Variants in EPHA7 observed in about 807,000 individuals in gnomAD.
EPHA7 encodes EPH receptor A7, also known as ephrin type-A receptor 7.
EPHA7 carries 25 observed loss-of-function variants against 112.6 expected under a neutral mutation model. The ratio of observed to expected loss-of-function variants is 0.22; its 90% CI spans 0.16 to 0.31. EPHA7 has a LOEUF of 0.31. Ranked by LOEUF, EPHA7 falls within the 10% of genes least tolerant of loss-of-function variation. The pLI is 1.00. For synonymous variants in EPHA7, 437 were observed against 406.5 expected, an observed-to-expected ratio of 1.07 and a Z score of -0.90; for missense variants, 962 against 1,212.6, an observed-to-expected ratio of 0.79 and a Z score of 3.07.
chr6:93,247,616 G>C (rs1223940649), intron 14 of EPHA7, among the ~76,000 whole-genome samples: 1 of 152,108 alleles, frequency 6.6e-6, no homozygotes, highest in African/African-American at 2.4e-5. Context: ...AATCAGCGTG[G>C]GGGAAGGGTT....
chr6:93,405,334 T>A (rs1778643276), intron 3 of EPHA7, among the ~76,000 whole-genome samples: 1 of 151,890 alleles, frequency 6.6e-6, no homozygotes, highest in African/African-American at 2.4e-5. Flanking sequence ...TATCAATAAT[T>A]AAAATTGCAT....
intron 5 of EPHA7, among the ~76,000 whole-genome samples, chr6:93,295,525 A>G (rs977512881): frequency 6.6e-6 from 1 of 151,502 alleles, no homozygotes; most frequent in African/African-American, 2.4e-5. Context: ...ACTTAAATAC[A>G]TATGACAAAT....
At chr6:93,269,692 T>C (rs1192240080) in intron 6 of EPHA7, 32 bp from the exon 7 acceptor site, 1 of 1,460,864 alleles carries the variant, frequency 6.8e-7, no homozygotes, top group African/African-American at 1.5e-5. Flanking sequence ...AATATTTAAT[T>C]GTGATTGCAA....
chr6:93,407,526 C>T (rs1210077399), intron 3 of EPHA7, among the ~76,000 whole-genome samples: 1 of 151,990 alleles, frequency 6.6e-6, no homozygotes, highest in African/African-American at 2.4e-5. Context: ...GTCAACATCA[C>T]CAAGGCTAAA....
chr6:93,383,472 G>A (rs1017033693), intron 3 of EPHA7, among the ~76,000 whole-genome samples: 1 of 152,024 alleles, frequency 6.6e-6, no homozygotes, highest in Non-Finnish European at 1.5e-5. Context: ...CAGCTGGTAA[G>A]TGGTAGAGTA....
intron 3 of EPHA7, among the ~76,000 whole-genome samples, chr6:93,360,664 T>G (rs1450921940): frequency 6.6e-6 from 1 of 152,092 alleles, no homozygotes; most frequent in Non-Finnish European, 1.5e-5. Context: ...TTGCTCAACT[T>G]ACATGATTTC....
chr6:93,405,811 GTGTATATATATATATATA>G (rs1252016643), intron 3 of EPHA7, among the ~76,000 whole-genome samples: 8 of 58,958 alleles, frequency 1.4e-4, no homozygotes, highest in African/African-American at 7.3e-4. Context: ...GTGTGTGTGT[GTGTATATATATATATATA>G]TATATATATA....
At chr6:93,255,765 C>T in intron 13 of EPHA7, 63 bp downstream of exon 13, 1 of 1,413,020 alleles carries the variant, frequency 7.1e-7, no homozygotes, top group Non-Finnish European at 1.0e-6. Flanking sequence ...ATTATTAGGT[C>T]CTGCTTTCGT....
chr6:93,267,515 AGTGCCTTCT>A (rs1771003366), intron 7 of EPHA7, among the ~76,000 whole-genome samples: 1 of 151,706 alleles, frequency 6.6e-6, no homozygotes, highest in Admixed American at 6.6e-5. Flanking sequence ...TAGTTTACTG[AGTGCCTTCT>A]GTGCCTGAAA....
At chr6:93,418,597 C>T (rs1001477205) in intron 1 of EPHA7, among the ~76,000 whole-genome samples, 2 of 152,226 alleles carry the variant, frequency 1.3e-5, no homozygotes, top group African/African-American at 4.8e-5. Flanking sequence ...ATGGAGACAT[C>T]CCCGGCCCTC....
At chr6:93,394,653 A>T (rs938658701) in intron 3 of EPHA7, among the ~76,000 whole-genome samples, 1 of 151,806 alleles carries the variant, frequency 6.6e-6, no homozygotes, top group African/African-American at 2.4e-5. Context: ...CACTTCTTTA[A>T]TAAGTACAAA....
intron 3 of EPHA7, among the ~76,000 whole-genome samples, chr6:93,373,867 C>A (rs1776922779): frequency 6.6e-6 from 1 of 151,638 alleles, no homozygotes; most frequent in East Asian, 1.9e-4. Context: ...AAAATCACTT[C>A]AAAGCTCATT....
At chr6:93,293,407 G>A (rs1772486650) in intron 5 of EPHA7, among the ~76,000 whole-genome samples, 1 of 152,092 alleles carries the variant, frequency 6.6e-6, no homozygotes, top group African/African-American at 2.4e-5. Flanking sequence ...GCTTCATAAA[G>A]AGATGTGAAG....
chr6:93,405,001 T>C (rs1778625761), intron 3 of EPHA7, among the ~76,000 whole-genome samples: 1 of 151,886 alleles, frequency 6.6e-6, no homozygotes, highest in African/African-American at 2.4e-5. Flanking sequence ...ACAATTCAAG[T>C]TGTCTTTATA....
intron 3 of EPHA7, among the ~76,000 whole-genome samples, chr6:93,407,414 G>A: frequency 6.6e-6 from 1 of 152,130 alleles, no homozygotes. Context: ...GATTCCAGAG[G>A]CAAGTACTCT....
At chr6:93,378,154 T>C (rs1180516785) in intron 3 of EPHA7, among the ~76,000 whole-genome samples, 1 of 152,030 alleles carries the variant, frequency 6.6e-6, no homozygotes, top group Non-Finnish European at 1.5e-5. Flanking sequence ...AAAAAGATCA[T>C]GGCACATCTA....
chr6:93,378,242 A>G (rs1777158676), intron 3 of EPHA7, among the ~76,000 whole-genome samples: 2 of 152,076 alleles, frequency 1.3e-5, no homozygotes, highest in Non-Finnish European at 2.9e-5. Context: ...GGCAAAGGTC[A>G]GAGCTGAAAA....
chr6:93,309,195 C>T (rs918427822), intron 5 of EPHA7, among the ~76,000 whole-genome samples: 24 of 152,268 alleles, frequency 1.6e-4, no homozygotes, highest in East Asian at 1.2e-3. Flanking sequence ...GTGATCTGCC[C>T]GCCTTAGCCT....
At chr6:93,298,381 C>T (rs956674313) in intron 5 of EPHA7, among the ~76,000 whole-genome samples, 2 of 152,000 alleles carry the variant, frequency 1.3e-5, no homozygotes, top group African/African-American at 4.8e-5. Context: ...ATGGATAAGG[C>T]TTTCAAACAT....
Sources: allele counts gnomAD v4.1 joint callset (sites outside exome capture counted in the v4.1 genomes callset), GRCh38; gene constraint gnomAD v4.1.1; transcripts MANE v1.5; gene names NCBI Gene and HGNC (gene_info 2026-07-23, HGNC 2026-07-21).